The following KIF5B variants were observed in gnomAD, a reference collection of about 807,000 sequenced individuals.
KIF5B encodes the protein kinesin-1 heavy chain.
In KIF5B, 49 loss-of-function variants were observed where a neutral mutation model predicts 132.8. The ratio of observed to expected loss-of-function variants is 0.37; its 90% CI spans 0.29 to 0.47. The LOEUF is 0.47. KIF5B is among the 20% of genes least tolerant of loss of function. The probability of loss-of-function intolerance (pLI) is 1.00; values close to 1 mark genes in which losing one functional copy is unlikely to be tolerated. For missense variants in KIF5B, 780 were observed against 1,144.0 expected, an observed-to-expected ratio of 0.68 and a Z score of 4.59; for synonymous variants, 355 against 369.4, an observed-to-expected ratio of 0.96 and a Z score of 0.45.
At chr10:32,041,862 C>G (rs183138513) in intron 2 of KIF5B, among the ~76,000 whole-genome samples, 186 of 152,288 alleles carry the variant, frequency 1.2e-3, no homozygotes, top group Non-Finnish European at 2.2e-3. Context: ...TGGGCTCAAA[C>G]AACCCTCCTG....
In KIF5B at chr10:32,009,693, C is replaced by T. The variant is rs539343646; in HGVS notation, c.*1844G>A. 1 of 152,152 alleles carries T rather than the reference C, an allele frequency of 6.6e-6. No homozygotes were observed. Among genetic ancestry groups the T allele is most frequent in the Middle Eastern group, 3.4e-3 (1 of 294 alleles). 9.4% of individuals were successfully genotyped at this position (152,152 alleles called of 1,614,324 possible). A position where few individuals can be genotyped will look rare whatever the true frequency, so the allele number is the denominator to read the frequency against. On this transcript the variant is annotated 3_prime_UTR_variant, in exon 26 of 26. Coordinates refer to ENST00000302418, the MANE Select transcript of KIF5B (RefSeq NM_004521.3). ...ATTCTGCTTCATTTACGAATGTTGCCAAAGGAGGCAAGTTTTCAACTGAAA... is the reference window on the plus strand; with the variant it reads ...ATTCTGCTTCATTTACGAATGTTGCTAAAGGAGGCAAGTTTTCAACTGAAA...
rs188786216 is a variant in KIF5B, at chr10:32,011,838, G to A, written c.*21-322C>T. On this transcript the variant is annotated intron_variant, in intron 25 of 25. Transcript: ENST00000302418. ...GTATTTGTTTAAAAAAGAAAAAGACGGCTAATCTTTTAACCAGCAGACAGT... is the reference window on the plus strand; with the variant it reads ...GTATTTGTTTAAAAAAGAAAAAGACAGCTAATCTTTTAACCAGCAGACAGT... 2.6e-5 allele frequency among the ~76,000 whole-genome samples: 4 copies of A among 151,868 alleles called. No individual in the cohort carries two copies. The East Asian group carries it at 5.8e-4, about 22-fold the overall frequency.
chr10:32,024,594 T>G (rs1304817281), intron 15 of KIF5B, among the ~76,000 whole-genome samples: 1 of 151,342 alleles, frequency 6.6e-6, no homozygotes, highest in African/African-American at 2.4e-5. Context: ...CGAAACCCAG[T>G]TGCTACTAAA....
chr10:32,054,492 GGA>G (rs144437764), intron 1 of KIF5B, among the ~76,000 whole-genome samples: 1,887 of 152,246 alleles, frequency 0.012, 38 homozygotes, highest in African/African-American at 0.043. Context: ...GCTGAACTTT[GGA>G]GAAACTTTCA....
At chr10:32,042,771 G>C (rs1841559633) in intron 2 of KIF5B, among the ~76,000 whole-genome samples, 1 of 152,102 alleles carries the variant, frequency 6.6e-6, no homozygotes, top group South Asian at 2.1e-4. Flanking sequence ...AACATATTTA[G>C]GTAGTGAGAT....
intron 20 of KIF5B, among the ~76,000 whole-genome samples, chr10:32,019,174 GATTA>G (rs1323100758): frequency 3.9e-5 from 6 of 152,064 alleles, no homozygotes; most frequent in South Asian, 2.1e-4. Context: ...AAATGATACT[GATTA>G]ATTATAGATT....
At chr10:32,038,927 T>G (rs1841497206) in intron 4 of KIF5B, 101 bp from the exon 5 acceptor site, 1 of 716,036 alleles carries the variant, frequency 1.4e-6, no homozygotes, top group African/African-American at 1.8e-5. Context: ...AGAGAGACAG[T>G]TATCAACATA....
chr10:32,031,381 G>T, intron 13 of KIF5B, 102 bp from the exon 14 acceptor site: 1 of 833,904 alleles, frequency 1.2e-6, no homozygotes, highest in Non-Finnish European at 1.9e-6. Context: ...GTGAAATATG[G>T]ATGGTATTCA....
chr10:32,048,395 A>T (rs1841643067), intron 2 of KIF5B, 69 bp downstream of exon 2: 1 of 1,016,962 alleles, frequency 9.8e-7, no homozygotes, highest in Non-Finnish European at 1.5e-6. Context: ...AAGGAAGCTG[A>T]GTAAGTAGAA....
At chr10:32,033,005 T>A (rs1841420380) in intron 12 of KIF5B, among the ~76,000 whole-genome samples, 1 of 152,256 alleles carries the variant, frequency 6.6e-6, no homozygotes, top group Admixed American at 6.5e-5. Context: ...CTGCTTAAAA[T>A]ATATTAAAAA....
chr10:32,049,056 T>C (rs1367232660), intron 1 of KIF5B, among the ~76,000 whole-genome samples: 1 of 152,164 alleles, frequency 6.6e-6, no homozygotes, highest in Admixed American at 6.5e-5. Flanking sequence ...CTTGAACTTC[T>C]GGGCTCAAGA....
At chr10:32,053,030 CAATATTCTTTCAATTTTGATCTA>C in intron 1 of KIF5B, among the ~76,000 whole-genome samples, 1 of 152,186 alleles carries the variant, frequency 6.6e-6, no homozygotes, top group African/African-American at 2.4e-5. Flanking sequence ...TCATAAACTA[CAATATTCTTTCAATTTTGATCTA>C]AATAGAAGAT....
chr10:32,018,610 T>C (rs1162759761), intron 20 of KIF5B, 48 bp from the exon 21 acceptor site: 4 of 552,156 alleles, frequency 7.2e-6, no homozygotes, highest in African/African-American at 4.4e-5. Context: ...ATTCTGTATA[T>C]TGTACTTAGC....
At chr10:32,030,501 G>A (rs1352492801) in intron 14 of KIF5B, among the ~76,000 whole-genome samples, 1 of 146,398 alleles carries the variant, frequency 6.8e-6, no homozygotes, top group Admixed American at 6.9e-5. Flanking sequence ...GGCAACCAGA[G>A]TGAAACTTTG....
chr10:32,016,463 CAAGCAAAAAAT>C (rs1841165953), intron 24 of KIF5B, among the ~76,000 whole-genome samples: 1 of 151,882 alleles, frequency 6.6e-6, no homozygotes, highest in Non-Finnish European at 1.5e-5. Context: ...TCTCAAAAAA[CAAGCAAAAAAT>C]AAATAAATAA....
At chr10:32,021,754 C>T (rs1841266719) in intron 17 of KIF5B, among the ~76,000 whole-genome samples, 1 of 152,012 alleles carries the variant, frequency 6.6e-6, no homozygotes, top group African/African-American at 2.4e-5. Context: ...AGGCAGATCA[C>T]GAGGTCAGGA....
chr10:32,055,772 C>T lies in KIF5B; in HGVS notation c.126+76G>A, dbSNP rs572360496. ...CCGCCGCTCCCTTTCAATTCTGCAC[C>T]CTGCCACTTCCCTAAACTCCCCGCA... On this transcript the variant is annotated intron_variant, in intron 1 of 25. Transcript: ENST00000302418. The T allele has an allele frequency of 4.5e-6, 7 of 1,564,950 alleles. No individual in the cohort carries two copies. In the East Asian group the frequency reaches 9.2e-5, roughly 20 times the overall value.
Position 32,037,607 on chromosome 10 carries a change from CCT to C in KIF5B, c.499-2_499-1del. On this transcript the variant is annotated splice_acceptor_variant, in intron 6 of 25. Transcript: ENST00000302418. LOFTEE classifies it high-confidence loss of function. Reference sequence around the variant, plus strand: ...CTACATACAAAACGCTCTGTGCACCCCTGTGAAATAATTTTTAAAAATATGTT... The same window carrying C: ...CTACATACAAAACGCTCTGTGCACCCGTGAAATAATTTTTAAAAATATGTT... 3 of 1,602,152 alleles carry C rather than the reference CCT, an allele frequency of 1.9e-6. No homozygotes were observed. Among genetic ancestry groups the C allele is most frequent in the South Asian group, 1.1e-5 (1 of 90,610 alleles).
chr10:32,020,087 G>A (rs932378510), intron 19 of KIF5B, 128 bp from the exon 20 acceptor site: 4 of 574,212 alleles, frequency 7.0e-6, no homozygotes, highest in East Asian at 2.9e-5. Context: ...ATACCCTATG[G>A]AGGAAAAGAG....
Sources: allele counts gnomAD v4.1 joint callset (sites outside exome capture counted in the v4.1 genomes callset), GRCh38; gene constraint gnomAD v4.1.1; transcripts MANE v1.5; gene names NCBI Gene and HGNC (gene_info 2026-07-23, HGNC 2026-07-21).